SORCS2: variants seen among roughly 807,000 people sequenced by gnomAD.
The protein encoded by SORCS2 is sortilin related VPS10 domain containing receptor 2.
Under a neutral mutation model 141.6 loss-of-function variants are expected in SORCS2, and 100 were observed. The ratio of observed to expected loss-of-function variants is 0.71; its 90% CI spans 0.60 to 0.83. The LOEUF (loss-of-function observed/expected upper bound fraction) is 0.83, where lower values mean the gene tolerates loss of function less well. Among genes scored for constraint, SORCS2 ranks in the 40% least tolerant of loss-of-function variants. SORCS2 has a pLI of 0.00. For synonymous variants in SORCS2, 789 were observed against 676.9 expected (o/e 1.17, Z -2.57); for missense variants, 1,646 against 1,560.2 (o/e 1.05, Z -0.93).
intron 3 of SORCS2, among the ~76,000 whole-genome samples, chr4:7,569,771 A>G (rs1715264212): frequency 6.6e-6 from 1 of 152,152 alleles, no homozygotes; most frequent in Non-Finnish European, 1.5e-5. Context: ...TATACACAAC[A>G]CACGTCTGAT....
chr4:7,518,438 G>T (rs1361206226), intron 2 of SORCS2, among the ~76,000 whole-genome samples: 1 of 152,190 alleles, frequency 6.6e-6, no homozygotes, highest in African/African-American at 2.4e-5. Flanking sequence ...CTCCACAGAA[G>T]GCAGCTGCTG....
intron 4 of SORCS2, among the ~76,000 whole-genome samples, chr4:7,647,753 G>A (rs1440577793): frequency 6.6e-6 from 1 of 152,216 alleles, no homozygotes; most frequent in Non-Finnish European, 1.5e-5. Flanking sequence ...TCCTGGCCGT[G>A]GTTCCTTGGG....
At chr4:7,734,464 GC>G (rs1711994037) in intron 25 of SORCS2, 90 bp downstream of exon 25, 2 of 892,344 alleles carry the variant, frequency 2.2e-6, no homozygotes, top group Non-Finnish European at 3.3e-6. Context: ...TCTAGAAAGG[GC>G]CCCAGCAGGG....
At chr4:7,359,706 A>C (rs1294676436) in intron 1 of SORCS2, among the ~76,000 whole-genome samples, 1 of 152,232 alleles carries the variant, frequency 6.6e-6, no homozygotes, top group Non-Finnish European at 1.5e-5. Context: ...TTTTCTACTG[A>C]ATGTATTCCA....
intron 1 of SORCS2, among the ~76,000 whole-genome samples, chr4:7,358,036 G>A (rs529611695): frequency 3.3e-4 from 50 of 152,336 alleles, no homozygotes; most frequent in African/African-American, 1.2e-3. Context: ...CCAAGGAGAG[G>A]AGTGCGCTGG....
intron 23 of SORCS2, among the ~76,000 whole-genome samples, chr4:7,733,119 G>A (rs1711835800): frequency 6.8e-6 from 1 of 146,288 alleles, no homozygotes; most frequent in South Asian, 2.3e-4. Flanking sequence ...TCCACCAGAG[G>A]AGGGCCCTTC....
intron 17 of SORCS2, among the ~76,000 whole-genome samples, chr4:7,716,556 A>T (rs1026144991): frequency 4.0e-5 from 6 of 151,614 alleles, no homozygotes; most frequent in Admixed American, 3.9e-4. Context: ...CCATCCATCA[A>T]TCTATCCATC....
chr4:7,684,336 G>A (rs541038143), intron 10 of SORCS2, among the ~76,000 whole-genome samples: 1 of 152,298 alleles, frequency 6.6e-6, no homozygotes, highest in African/African-American at 2.4e-5. Flanking sequence ...GCAGAGACTG[G>A]CCTATGCCTG....
intron 2 of SORCS2, among the ~76,000 whole-genome samples, chr4:7,493,302 G>A (rs151085404): frequency 6.6e-6 from 1 of 152,336 alleles, no homozygotes; most frequent in East Asian, 1.9e-4. Flanking sequence ...TGCTGTGGCA[G>A]CCCAGAGAAG....
In SORCS2 at chr4:7,667,106, G is replaced by A; in HGVS notation, c.1072-18G>A. ...AGGGAATCAAGCCTCTCAAAAATGT[G>A]TTTCTTCCCCCGGTTAGGCAACATC... On this transcript the variant is annotated intron_variant, in intron 7 of 26. Transcript: ENST00000507866. The A allele has an allele frequency of 1.9e-6, 3 of 1,605,498 alleles. No homozygotes were observed. The highest frequency in any genetic ancestry group is 1.7e-6 in the Non-Finnish European group (2 of 1,172,510).
At chr4:7,244,887 C>T (rs989163043) in intron 1 of SORCS2, among the ~76,000 whole-genome samples, 3 of 152,216 alleles carry the variant, frequency 2.0e-5, no homozygotes, top group East Asian at 1.9e-4. Context: ...TGCCAGTCAG[C>T]GAGGCTGGAC....
At chr4:7,462,548 C>T (rs934275277) in intron 2 of SORCS2, among the ~76,000 whole-genome samples, 2 of 152,182 alleles carry the variant, frequency 1.3e-5, no homozygotes, top group South Asian at 2.1e-4. Context: ...GATTCCTCCC[C>T]TCCTGGTGCA....
intron 1 of SORCS2, among the ~76,000 whole-genome samples, chr4:7,375,205 C>T (rs1050714733): frequency 9.2e-5 from 14 of 152,126 alleles, no homozygotes; most frequent in Admixed American, 3.9e-4. Flanking sequence ...AGGGAAAGTC[C>T]GCCTCTGACA....
At chr4:7,392,008 C>T (rs749468117) in intron 1 of SORCS2, among the ~76,000 whole-genome samples, 13 of 152,210 alleles carry the variant, frequency 8.5e-5, no homozygotes, top group Non-Finnish European at 1.8e-4. Flanking sequence ...TTACAGGGTT[C>T]AGCACAAAGT....
intron 2 of SORCS2, among the ~76,000 whole-genome samples, chr4:7,502,076 AG>A (rs1165377518): frequency 2.0e-5 from 3 of 152,192 alleles, no homozygotes; most frequent in African/African-American, 7.2e-5. Flanking sequence ...GTGCCCAGGC[AG>A]GGAGGGGAGG....
intron 3 of SORCS2, among the ~76,000 whole-genome samples, chr4:7,563,841 TCCGAGGG>T (rs1452990880): frequency 1.3e-5 from 2 of 152,244 alleles, no homozygotes; most frequent in Admixed American, 1.3e-4. Flanking sequence ...TGCTGTGAAT[TCCGAGGG>T]CCTTGTTGCT....
At chr4:7,661,155 TGAAAGTCTTTTATGAAGAA>T (rs1018759741) in intron 5 of SORCS2, among the ~76,000 whole-genome samples, 1 of 152,164 alleles carries the variant, frequency 6.6e-6, no homozygotes, top group Non-Finnish European at 1.5e-5. Flanking sequence ...AAAAGCAACG[TGAAAGTCTTTTATGAAGAA>T]GAAAGTCTTT....
chr4:7,339,988 G>A (rs1475112768), intron 1 of SORCS2, among the ~76,000 whole-genome samples: 6 of 152,216 alleles, frequency 3.9e-5, no homozygotes, highest in African/African-American at 1.2e-4. Flanking sequence ...GGCGAGGAGA[G>A]GCTGGGGGCT....
chr4:7,693,980 T>C (rs905734469), intron 11 of SORCS2, among the ~76,000 whole-genome samples: 7 of 152,044 alleles, frequency 4.6e-5, no homozygotes, highest in Non-Finnish European at 1.0e-4. Context: ...TGGAAGACTA[T>C]GGGGCAGCCC....
Sources: gnomAD v4.1 joint callset for allele counts (sites outside exome capture counted in the v4.1 genomes callset) on GRCh38, gnomAD v4.1.1 for gene constraint, MANE v1.5 for transcripts, NCBI Gene and HGNC (gene_info 2026-07-23, HGNC 2026-07-21) for gene names.